ABCA12: variants seen among roughly 807,000 people sequenced by gnomAD.
ABCA12 encodes ATP binding cassette subfamily A member 12.
A neutral mutation model predicts 293.5 loss-of-function variants in ABCA12; 156 were observed. The ratio of observed to expected loss-of-function variants is 0.53; its 90% CI spans 0.47 to 0.61. The LOEUF (loss-of-function observed/expected upper bound fraction) is 0.61, where lower values mean the gene tolerates loss of function less well. Ranked by LOEUF, ABCA12 falls within the 20% of genes least tolerant of loss-of-function variation. ABCA12 has a pLI of 0.00. For synonymous variants in ABCA12, 1,063 were observed against 1,108.0 expected (o/e 0.96, Z 0.81); for missense variants, 2,797 against 3,090.2 (o/e 0.91, Z 2.25).
At chr2:215,010,128 C>T (rs1343926779) in intron 18 of ABCA12, among the ~76,000 whole-genome samples, 1 of 152,098 alleles carries the variant, frequency 6.6e-6, no homozygotes, top group Non-Finnish European at 1.5e-5. Flanking sequence ...CATTTCTCTT[C>T]AAAGGGCTCC....
intron 44 of ABCA12, among the ~76,000 whole-genome samples, chr2:214,953,035 C>T (rs1042317132): frequency 6.6e-6 from 1 of 152,164 alleles, no homozygotes; most frequent in African/African-American, 2.4e-5. Context: ...TCAGCAGAGG[C>T]ACTCACAATT....
intron 34 of ABCA12, among the ~76,000 whole-genome samples, chr2:214,975,300 GAC>G (rs1699488857): frequency 2.0e-5 from 3 of 152,252 alleles, no homozygotes; most frequent in Admixed American, 6.5e-5. Flanking sequence ...TCTGAAAAAA[GAC>G]ACAGTCTCAG....
At chr2:215,056,684 T>A (rs10804237) in intron 3 of ABCA12, among the ~76,000 whole-genome samples, 1 of 151,870 alleles carries the variant, frequency 6.6e-6, no homozygotes, top group Non-Finnish European at 1.5e-5. Context: ...AAAATGGAAA[T>A]CACAAAATAA....
intron 19 of ABCA12, among the ~76,000 whole-genome samples, chr2:215,006,482 T>G (rs1333991428): frequency 6.6e-6 from 1 of 152,186 alleles, no homozygotes; most frequent in Non-Finnish European, 1.5e-5. Flanking sequence ...TATTTAATCA[T>G]TTATGATAAA....
intron 2 of ABCA12, among the ~76,000 whole-genome samples, chr2:215,103,252 T>G (rs946004125): frequency 6.8e-6 from 1 of 146,790 alleles, no homozygotes; most frequent in East Asian, 2.1e-4. Context: ...TAACAATGTC[T>G]CTTAAAATTT....
At chr2:215,095,231 A>G (rs574093842) in intron 2 of ABCA12, among the ~76,000 whole-genome samples, 1 of 152,322 alleles carries the variant, frequency 6.6e-6, no homozygotes, top group South Asian at 2.1e-4. Context: ...CAACATAAAA[A>G]AACTCAAAGA....
chr2:214,983,661 G>C lies in ABCA12; in HGVS notation c.4368C>G (p.His1456Gln). 1.2e-6 allele frequency: 2 copies of C among 1,613,864 alleles called. No homozygotes were observed. The highest frequency in any genetic ancestry group is 1.7e-6 in the Non-Finnish European group (2 of 1,179,948). ...TCTTAACTTGCCTTTTTACTTCCTC[G>C]TGGAGCTGCTTTTTAGTCCAGTGAG... ...KVPHWTKKQL[H>Q]EEVKRTLKDT... Residue 1456 changes from histidine to glutamine, a missense_variant, in exon 29 of 53, where the codon CAC becomes CAG. This residue lies in a region of ABCA12 where 2,130 missense variants were observed against 2,427.0 expected (regional missense o/e 0.88). Coordinates refer to ENST00000272895, the MANE Select transcript of ABCA12 (RefSeq NM_173076.3).
intron 36 of ABCA12, among the ~76,000 whole-genome samples, chr2:214,971,647 ATATGT>A (rs1468611027): frequency 1.3e-5 from 2 of 152,220 alleles, no homozygotes; most frequent in South Asian, 2.1e-4. Flanking sequence ...AGAATCTTCC[ATATGT>A]TATGTATGGT....
At chr2:215,075,308 G>T (rs924593497) in intron 2 of ABCA12, among the ~76,000 whole-genome samples, 1 of 152,106 alleles carries the variant, frequency 6.6e-6, no homozygotes, top group East Asian at 1.9e-4. Context: ...ACAGTGTAAA[G>T]TTGTTAGGAG....
intron 2 of ABCA12, among the ~76,000 whole-genome samples, chr2:215,066,909 C>T (rs552246400): frequency 7.3e-4 from 111 of 152,198 alleles, no homozygotes; most frequent in Non-Finnish European, 1.1e-3. Flanking sequence ...CTACTGTATC[C>T]CATGTACTGT....
chr2:214,949,830 G>A (rs1335186964), intron 45 of ABCA12, among the ~76,000 whole-genome samples: 1 of 152,154 alleles, frequency 6.6e-6, no homozygotes, highest in East Asian at 1.9e-4. Context: ...CACAGTAAGT[G>A]GACAGTAGTT....
At chr2:215,091,014 C>G (rs541088692) in intron 2 of ABCA12, among the ~76,000 whole-genome samples, 1 of 152,120 alleles carries the variant, frequency 6.6e-6, no homozygotes, top group South Asian at 2.1e-4. Flanking sequence ...CCTACAAGAT[C>G]TAGATAATTT....
chr2:214,982,191 T>C lies in ABCA12; in HGVS notation c.4575A>G (p.Lys1525=). The C allele has an allele frequency of 6.2e-7, 1 of 1,613,702 alleles. No homozygotes were observed. Residue 1525 remains lysine (K), a synonymous_variant, in exon 30 of 53, where the codon AAA becomes AAG. Coordinates refer to ENST00000272895, the MANE Select transcript of ABCA12 (RefSeq NM_173076.3). ...RSIWDVISKN[K]TARTIILSTH... ...GTTCTGAGAAACTACTCATACCAGT[T>C]TTGTTCTTGGATATAACATCCCATA...
intron 36 of ABCA12, among the ~76,000 whole-genome samples, chr2:214,972,971 G>A (rs1288473673): frequency 2.0e-5 from 3 of 151,846 alleles, no homozygotes; most frequent in Non-Finnish European, 4.4e-5. Flanking sequence ...GTGTCACCAT[G>A]CCCAGCAAAT....
chr2:214,962,455 C>T (rs1423356829), intron 39 of ABCA12: 1 of 152,084 alleles, frequency 6.6e-6, no homozygotes, highest in East Asian at 1.9e-4. Flanking sequence ...GGGCAGTGCT[C>T]AATGAATGGC....
At chr2:215,102,800 CCTA>C (rs931423746) in intron 2 of ABCA12, among the ~76,000 whole-genome samples, 24 of 152,158 alleles carry the variant, frequency 1.6e-4, no homozygotes, top group African/African-American at 4.8e-5. Flanking sequence ...CTGATGAACT[CCTA>C]CTCATTCTTC....
At chr2:214,975,230 C>T (rs1395780637) in intron 34 of ABCA12, among the ~76,000 whole-genome samples, 1 of 152,142 alleles carries the variant, frequency 6.6e-6, no homozygotes, top group Non-Finnish European at 1.5e-5. Context: ...TCCCAAGGTT[C>T]TAGGATTACA....
intron 1 of ABCA12, among the ~76,000 whole-genome samples, chr2:215,112,253 AAGTCCCATGC>A (rs1164152690): frequency 6.6e-6 from 1 of 152,118 alleles, no homozygotes; most frequent in East Asian, 1.9e-4. Context: ...AAGGAACTTC[AAGTCCCATGC>A]AGTCCCATAT....
chr2:215,097,799 A>C (rs779964641), intron 2 of ABCA12, among the ~76,000 whole-genome samples: 9 of 152,218 alleles, frequency 5.9e-5, no homozygotes, highest in Non-Finnish European at 7.3e-5. Context: ...CCTGCCTATG[A>C]AATACACTGG....
Sources: allele counts gnomAD v4.1 joint callset (sites outside exome capture counted in the v4.1 genomes callset), GRCh38; gene constraint gnomAD v4.1.1; regional missense constraint gnomAD v4.1.1; transcripts MANE v1.5; gene names NCBI Gene and HGNC (gene_info 2026-07-23, HGNC 2026-07-21).